Variants in MYT1L observed in about 807,000 individuals in gnomAD.
MYT1L encodes the protein myelin transcription factor 1-like protein.
In MYT1L, 12 loss-of-function variants were observed where a neutral mutation model predicts 126.7. The ratio of observed to expected loss-of-function variants is 0.09; its 90% CI spans 0.06 to 0.15. The LOEUF (loss-of-function observed/expected upper bound fraction) is 0.15, where lower values mean the gene tolerates loss of function less well. Among genes scored for constraint, MYT1L ranks in the 10% least tolerant of loss-of-function variants. The probability of loss-of-function intolerance (pLI) is 1.00; values close to 1 mark genes in which losing one functional copy is unlikely to be tolerated. For missense variants in MYT1L, 979 were observed against 1,585.2 expected, an observed-to-expected ratio of 0.62 and a Z score of 6.49; for synonymous variants, 541 against 604.2, an observed-to-expected ratio of 0.90 and a Z score of 1.53.
At chr2:1,875,124 G>A (rs779585788) in intron 18 of MYT1L, among the ~76,000 whole-genome samples, 9 of 152,326 alleles carry the variant, frequency 5.9e-5, no homozygotes, top group Non-Finnish European at 1.2e-4. Context: ...GCTCAAATCT[G>A]GAAGCCTGGC....
chr2:2,263,421 A>G (rs2095040037), intron 2 of MYT1L, among the ~76,000 whole-genome samples: 1 of 152,138 alleles, frequency 6.6e-6, no homozygotes, highest in South Asian at 2.1e-4. Context: ...AACAATTCCA[A>G]TGCATAAATC....
rs1559067584 is a variant in MYT1L, at chr2:2,119,859, A to AC, written c.-304+53012_-304+53013insG. Among the ~76,000 whole-genome samples, 5 of 151,780 alleles carry AC rather than the reference A, an allele frequency of 3.3e-5. No homozygotes were observed. In the South Asian group the frequency reaches 1.0e-3, roughly 32 times the overall value. On this transcript the variant is annotated intron_variant, in intron 3 of 24. Transcript: ENST00000647738. Reference sequence around the variant, plus strand: ...AACATACTAACTGTAAAGTGAAAGTATTTTTTTTTAATCATAGCTATCTTA... The same window carrying AC: ...AACATACTAACTGTAAAGTGAAAGTACTTTTTTTTTAATCATAGCTATCTTA...
chr2:1,791,156 T>C lies in MYT1L; in HGVS notation c.*711A>G. 4.3e-6 allele frequency: 2 copies of C among 461,178 alleles called. No homozygotes were observed. The highest frequency in any genetic ancestry group is 8.9e-6 in the Non-Finnish European group (2 of 224,636). The allele number at this position is 461,178 out of a possible 1,614,324, so 28.6% of individuals were successfully genotyped here. On this transcript the variant is annotated 3_prime_UTR_variant, in exon 25 of 25. Transcript: ENST00000647738. The surrounding 1 kb of genome is among the most constrained non-coding windows in gnomAD (Gnocchi z 6.0). Reference sequence around the variant, plus strand: ...CTTCTGCCAAGTTTCCATGGCTTGATGTTGTCTTACAATAAATTACTTATT... The same window carrying C: ...CTTCTGCCAAGTTTCCATGGCTTGACGTTGTCTTACAATAAATTACTTATT...
At position 1,963,066 on chromosome 2, in the gene MYT1L, A is replaced by G. The variant is rs539150426; in HGVS notation, c.152+16099T>C. On this transcript the variant is annotated intron_variant, in intron 8 of 24. Coordinates refer to ENST00000647738, the MANE Select transcript of MYT1L (RefSeq NM_001303052.2). Reference sequence around the variant, plus strand: ...TATGGCAGATGTAGCCTCATGAAATATGTTTCTTAAATAATAAGGCTCGAA... The same window carrying G: ...TATGGCAGATGTAGCCTCATGAAATGTGTTTCTTAAATAATAAGGCTCGAA... Among the ~76,000 whole-genome samples the G allele has an allele frequency of 6.6e-5, 10 of 152,342 alleles. No homozygotes were observed. In the South Asian group the frequency reaches 2.1e-3, roughly 32 times the overall value.
At chr2:1,847,972 A>G (rs1267595688) in intron 19 of MYT1L, among the ~76,000 whole-genome samples, 4 of 152,190 alleles carry the variant, frequency 2.6e-5, no homozygotes, top group Non-Finnish European at 5.9e-5. Flanking sequence ...GGGCCATCCT[A>G]GGCTCATGGG....
intron 8 of MYT1L, among the ~76,000 whole-genome samples, chr2:1,960,813 T>C (rs571329004): frequency 7.2e-5 from 11 of 151,992 alleles, no homozygotes; most frequent in Admixed American, 3.9e-4. Flanking sequence ...CTTCCTTGCA[T>C]GTCACCTGCA....
intron 2 of MYT1L, among the ~76,000 whole-genome samples, chr2:2,217,986 A>G (rs899377945): frequency 6.6e-5 from 10 of 152,216 alleles, no homozygotes; most frequent in Admixed American, 2.6e-4. Flanking sequence ...GCATCAGTAG[A>G]CATTAGGGAA....
chr2:2,250,885 G>T (rs1417998043), intron 2 of MYT1L, among the ~76,000 whole-genome samples: 1 of 151,980 alleles, frequency 6.6e-6, no homozygotes, highest in Non-Finnish European at 1.5e-5. Context: ...TCTCTTTAAA[G>T]ATCCTACTCT....
intron 4 of MYT1L, among the ~76,000 whole-genome samples, chr2:2,033,359 T>C (rs2066609736): frequency 7.3e-6 from 1 of 136,796 alleles, no homozygotes; most frequent in South Asian, 2.4e-4. Context: ...CCAGAGCAGA[T>C]TCCAGAAGGA....
chr2:2,277,588 G>C (rs962714257), intron 2 of MYT1L, among the ~76,000 whole-genome samples: 1 of 152,218 alleles, frequency 6.6e-6, no homozygotes, highest in Admixed American at 6.5e-5. Context: ...AGAAAATAAA[G>C]TTGTCCAGAG....
intron 18 of MYT1L, among the ~76,000 whole-genome samples, chr2:1,865,699 A>C (rs2045371012): frequency 6.6e-6 from 1 of 151,852 alleles, no homozygotes; most frequent in Non-Finnish European, 1.5e-5. Flanking sequence ...GGACTAGTGC[A>C]CTTTCACAGG....
intron 4 of MYT1L, among the ~76,000 whole-genome samples, chr2:2,001,237 C>CTTTTTTTTTTTTTTTTTCTTTTTTTTTT (rs11389323): frequency 9.6e-6 from 1 of 103,910 alleles, no homozygotes. Context: ...TTGGTTTTAG[C>CTTTTTTTTTTTTTTTTTCTTTTTTTTTT]TTTTTTTTTT....
chr2:2,088,906 A>G (rs1283923041), intron 3 of MYT1L, among the ~76,000 whole-genome samples: 1 of 152,242 alleles, frequency 6.6e-6, no homozygotes, highest in Non-Finnish European at 1.5e-5. Flanking sequence ...ACAAATACAG[A>G]CTGAATCCTA....
At chr2:2,158,963 T>C (rs1380464957) in intron 3 of MYT1L, among the ~76,000 whole-genome samples, 1 of 152,234 alleles carries the variant, frequency 6.6e-6, no homozygotes, top group Non-Finnish European at 1.5e-5. Context: ...TTGTGTACCT[T>C]GTCTCAGGAT....
chr2:2,004,960 GTTCTTTCCTGCATGCC>G (rs1232136544), intron 4 of MYT1L, among the ~76,000 whole-genome samples: 3,458 of 132,546 alleles, frequency 0.026, 78 homozygotes, highest in African/African-American at 0.093. Flanking sequence ...TCCTGCATGC[GTTCTTTCCTGCATGCC>G]TTCTTTCCTG....
intron 2 of MYT1L, among the ~76,000 whole-genome samples, chr2:2,233,048 GCA>G: frequency 6.6e-6 from 1 of 152,214 alleles, no homozygotes; most frequent in Non-Finnish European, 1.5e-5. Flanking sequence ...GGCCCAGCCT[GCA>G]TTAAGCACTC....
At position 2,199,606 on chromosome 2, in the gene MYT1L, G is replaced by A. The variant is rs138222371; in HGVS notation, c.-420-26618C>T. On this transcript the variant is annotated intron_variant, in intron 2 of 24. Coordinates refer to ENST00000647738, the MANE Select transcript of MYT1L (RefSeq NM_001303052.2). ...TCACAGGACTTGAGTGAGGGACACA[G>A]TGTTAATGTGAGAAGCCACCGACTT... Among the ~76,000 whole-genome samples the A allele has an allele frequency of 7.2e-5, 11 of 152,322 alleles. No homozygotes were observed. The East Asian group carries it at 2.1e-3, about 29-fold the overall frequency.
chr2:2,308,672 A>G (rs1261397254), intron 1 of MYT1L, among the ~76,000 whole-genome samples: 1 of 151,866 alleles, frequency 6.6e-6, no homozygotes, highest in African/African-American at 2.4e-5. Context: ...CACTCTACCT[A>G]TATCTTACCT....
intron 3 of MYT1L, among the ~76,000 whole-genome samples, chr2:2,108,214 T>G (rs1234082344): frequency 6.6e-6 from 1 of 152,118 alleles, no homozygotes; most frequent in Admixed American, 6.5e-5. Flanking sequence ...TGCATCCCAG[T>G]GTACCAACTC....
Sources: gnomAD v4.1 joint callset for allele counts (sites outside exome capture counted in the v4.1 genomes callset) on GRCh38, gnomAD v4.1.1 for gene constraint, Gnocchi (gnomAD v3.1) non-coding constraint, MANE v1.5 for transcripts, NCBI Gene and HGNC (gene_info 2026-07-23, HGNC 2026-07-21) for gene names.